Variants in ENOX2 observed in about 807,000 individuals in gnomAD.
ENOX2 encodes APK1 antigen.
ENOX2 carries 36 observed loss-of-function variants against 45.0 expected under a neutral mutation model. That is an observed-to-expected ratio of 0.80 (90% CI 0.61 to 1.06). The LOEUF (loss-of-function observed/expected upper bound fraction) is 1.06. ENOX2 is among the 50% of genes least tolerant of loss of function. The probability of loss-of-function intolerance (pLI) is 0.00; values close to 1 mark genes in which losing one functional copy is unlikely to be tolerated. For synonymous variants in ENOX2, 174 were observed against 152.3 expected (o/e 1.14, Z -1.05); for missense variants, 423 against 462.5 (o/e 0.91, Z 0.78).
chrX:130,707,383 T>A (rs1228855212), intron 3 of ENOX2, among the ~76,000 whole-genome samples: 1 of 111,509 alleles, frequency 9.0e-6, no homozygotes, highest in Non-Finnish European at 1.9e-5. Context: ...TTGGAAGTGA[T>A]CATCTACTTG....
At chrX:130,759,572 T>G (rs1363753514) in intron 3 of ENOX2, among the ~76,000 whole-genome samples, 3 of 78,788 alleles carry the variant, frequency 3.8e-5, no homozygotes, top group Non-Finnish European at 6.9e-5. Context: ...AGCGAGACTA[T>G]GTACCAAAAA....
chrX:130,803,994 C>T (rs750479452), intron 2 of ENOX2, among the ~76,000 whole-genome samples: 1 of 111,234 alleles, frequency 9.0e-6, no homozygotes, highest in East Asian at 2.8e-4. Flanking sequence ...TCATTTTGGC[C>T]CATAGTTTCT....
At chrX:130,827,570 CTTGA>C (rs1211113599) in intron 2 of ENOX2, among the ~76,000 whole-genome samples, 2 of 111,309 alleles carry the variant, frequency 1.8e-5, no homozygotes, top group Non-Finnish European at 3.8e-5. Context: ...TCATTCCTGT[CTTGA>C]TTATTATATT....
intron 3 of ENOX2, among the ~76,000 whole-genome samples, chrX:130,707,315 T>C (rs1358809060): frequency 1.8e-5 from 2 of 111,743 alleles, no homozygotes; most frequent in African/African-American, 6.5e-5. Flanking sequence ...TCTAGGTAAT[T>C]TGGTTGAAGA....
At chrX:130,812,019 AG>A (rs745728801) in intron 2 of ENOX2, among the ~76,000 whole-genome samples, 75 of 111,832 alleles carry the variant, frequency 6.7e-4, no homozygotes, top group Non-Finnish European at 1.3e-3. Flanking sequence ...ATACAGTAAG[AG>A]GAAAAAAAAG....
At chrX:130,796,909 G>T (rs2077138938) in intron 2 of ENOX2, among the ~76,000 whole-genome samples, 1 of 112,011 alleles carries the variant, frequency 8.9e-6, no homozygotes, top group Non-Finnish European at 1.9e-5. Context: ...ATTGTCTCCT[G>T]GAGAAGAAGC....
At chrX:130,634,018 T>C (rs1340584732) in intron 12 of ENOX2, among the ~76,000 whole-genome samples, 2 of 112,312 alleles carry the variant, frequency 1.8e-5, no homozygotes, top group African/African-American at 6.5e-5. Flanking sequence ...GAAAACACTT[T>C]CAATCATTTG....
chrX:130,659,375 T>C (rs763687688), intron 9 of ENOX2, among the ~76,000 whole-genome samples: 2 of 112,001 alleles, frequency 1.8e-5, no homozygotes, highest in African/African-American at 6.5e-5. Flanking sequence ...AAAAAGAAGA[T>C]GCTAACATAG....
At chrX:130,758,733 G>A (rs2039408545) in intron 3 of ENOX2, among the ~76,000 whole-genome samples, 1 of 111,367 alleles carries the variant, frequency 9.0e-6, no homozygotes. Flanking sequence ...CCAGAATTTG[G>A]TGCTGTCATT....
At chrX:130,784,713 T>C (rs1370012468) in intron 2 of ENOX2, among the ~76,000 whole-genome samples, 1 of 104,384 alleles carries the variant, frequency 9.6e-6, no homozygotes, top group Non-Finnish European at 2.0e-5. Flanking sequence ...TCAGCCCCCC[T>C]AGTAGCTGGG....
At chrX:130,754,539 T>G (rs1490632652) in intron 3 of ENOX2, among the ~76,000 whole-genome samples, 2 of 111,892 alleles carry the variant, frequency 1.8e-5, no homozygotes, top group African/African-American at 6.5e-5. Flanking sequence ...ATATACACTG[T>G]GGAATACTAT....
intron 2 of ENOX2, among the ~76,000 whole-genome samples, chrX:130,816,103 G>A (rs769735856): frequency 1.5e-4 from 17 of 111,378 alleles, no homozygotes; most frequent in African/African-American, 5.2e-4. Context: ...AACAAAAAAA[G>A]CAGGGGTTGC....
chrX:130,775,746 A>C (rs1407730691), intron 3 of ENOX2, among the ~76,000 whole-genome samples: 1 of 111,454 alleles, frequency 9.0e-6, no homozygotes, highest in African/African-American at 3.3e-5. Context: ...TTTTATCTAT[A>C]ATAAAGTCGA....
intron 3 of ENOX2, among the ~76,000 whole-genome samples, chrX:130,737,908 G>C: frequency 8.9e-6 from 1 of 111,894 alleles, no homozygotes; most frequent in Middle Eastern, 4.6e-3. Context: ...CAAGGGGCTG[G>C]AGGATGGAGT....
rs138488879 is a variant in ENOX2 at position 130,717,917 on chromosome X, A to G, written c.-38-14663T>C. On this transcript the variant is annotated intron_variant, in intron 3 of 14. Coordinates refer to ENST00000394363, the MANE Select transcript of ENOX2 (RefSeq NM_006375.4). ...TAATAATTCCTTGCTTATCTTTATA[A>G]TTCTACTACATATGTTGATACCGTC... Among the ~76,000 whole-genome samples, 275 of 112,061 alleles carry G rather than the reference A, an allele frequency of 2.5e-3. 3 individuals carry two copies. In the East Asian group the frequency reaches 0.034, roughly 14 times the overall value.
At chrX:130,810,854 C>T (rs966898625) in intron 2 of ENOX2, among the ~76,000 whole-genome samples, 7 of 112,149 alleles carry the variant, frequency 6.2e-5, no homozygotes, top group Admixed American at 4.6e-4. Flanking sequence ...CACAGTCCCA[C>T]GTTGCAAACC....
intron 2 of ENOX2, among the ~76,000 whole-genome samples, chrX:130,794,171 G>C (rs774874480): frequency 1.5e-4 from 17 of 112,227 alleles, no homozygotes; most frequent in African/African-American, 5.5e-4. Context: ...GAAAAGGGCA[G>C]GTTCCTAGCA....
chrX:130,705,927 C>A (rs2038026366), intron 3 of ENOX2, among the ~76,000 whole-genome samples: 1 of 111,560 alleles, frequency 9.0e-6, no homozygotes, highest in Admixed American at 9.5e-5. Flanking sequence ...CAATACATTC[C>A]ATTTTTCTCA....
intron 10 of ENOX2, among the ~76,000 whole-genome samples, chrX:130,653,494 C>T (rs1017749500): frequency 2.7e-5 from 3 of 110,731 alleles, no homozygotes; most frequent in Non-Finnish European, 5.7e-5. Flanking sequence ...CTTTGAGCCC[C>T]GACCCTTTTA....
Sources: allele counts gnomAD v4.1 joint callset (sites outside exome capture counted in the v4.1 genomes callset), GRCh38; gene constraint gnomAD v4.1.1; transcripts MANE v1.5; gene names NCBI Gene and HGNC (gene_info 2026-07-23, HGNC 2026-07-21).